Variants in DPP9 observed in about 807,000 individuals in gnomAD.
DPP9 encodes dipeptidyl peptidase 9.
DPP9 carries 50 observed loss-of-function variants against 110.7 expected under a neutral mutation model. That is an observed-to-expected ratio of 0.45 (90% CI 0.36 to 0.57). The LOEUF (loss-of-function observed/expected upper bound fraction) is 0.57. Ranked by LOEUF, DPP9 falls within the 20% of genes least tolerant of loss-of-function variation. DPP9 has a pLI of 0.00. For missense variants in DPP9, 1,022 were observed against 1,217.9 expected, an observed-to-expected ratio of 0.84 and a Z score of 2.39; for synonymous variants, 561 against 514.4, an observed-to-expected ratio of 1.09 and a Z score of -1.23.
At chr19:4,712,260 C>T (rs906481069) in intron 4 of DPP9, among the ~76,000 whole-genome samples, 1 of 152,098 alleles carries the variant, frequency 6.6e-6, no homozygotes, top group Non-Finnish European at 1.5e-5. Flanking sequence ...TCTTAAAGGC[C>T]CAGACAGCCC....
chr19:4,697,490 G>T, intron 11 of DPP9, 61 bp downstream of exon 11: 1 of 1,435,216 alleles, frequency 7.0e-7, no homozygotes, highest in Non-Finnish European at 9.6e-7. Context: ...CAGCTTCGGT[G>T]GCTGCCCAGG....
At chr19:4,721,044 T>C (rs560569779) in intron 2 of DPP9, among the ~76,000 whole-genome samples, 1 of 151,956 alleles carries the variant, frequency 6.6e-6, no homozygotes, top group Non-Finnish European at 1.5e-5. Flanking sequence ...AACCCAGGGG[T>C]CTCACCTGGG....
At chr19:4,703,532 A>C (rs1460817945) in intron 7 of DPP9, among the ~76,000 whole-genome samples, 2 of 151,186 alleles carry the variant, frequency 1.3e-5, no homozygotes, top group African/African-American at 2.4e-5. Context: ...GCTACTCGGG[A>C]GGCTGAGGCA....
intron 21 of DPP9, among the ~76,000 whole-genome samples, chr19:4,678,592 C>T (rs1244742893): frequency 1.3e-5 from 2 of 152,042 alleles, no homozygotes; most frequent in Admixed American, 1.3e-4. Context: ...AGTTCCATTC[C>T]AGCCCTGCCT....
chr19:4,685,540 C>A lies in DPP9; in HGVS notation c.2031+86G>T. 1 of 1,402,798 alleles carries A rather than the reference C, an allele frequency of 7.1e-7. No individual in the cohort carries two copies. 86.9% of individuals were successfully genotyped at this position (1,402,798 alleles called of 1,614,324 possible). ...TAGCCGGGGAGCCTCCTCTGGTTGA[C>A]TGTTCTACAGCTGGCACTTGAGTGG... On this transcript the variant is annotated intron_variant, in intron 17 of 21. Transcript: ENST00000262960. This position sits in a 1 kb window ranked among gnomAD's most constrained non-coding sequence, Gnocchi z 5.8.
At position 4,700,320 on chromosome 19, in the gene DPP9, C is replaced by T. The variant is rs376683008; in HGVS notation, c.1013-43G>A. 7.1e-5 allele frequency: 110 copies of T among 1,547,646 alleles called. No individual in the cohort carries two copies. The African/African-American group carries it at 1.3e-3, about 18-fold the overall frequency. On this transcript the variant is annotated intron_variant, in intron 9 of 21. Coordinates refer to ENST00000262960, the MANE Select transcript of DPP9 (RefSeq NM_139159.5). This position sits in a 1 kb window ranked among gnomAD's most constrained non-coding sequence, Gnocchi z 4.3. ...AGGTGAACACCAGGCAGGCATCACC[C>T]GTGTGTGCCGAGAGCCGGCACGGGG...
In DPP9 at chr19:4,684,243, G is replaced by A. The variant is rs1196286233; in HGVS notation, c.2178+420C>T. The A allele has an allele frequency of 7.5e-6, 2 of 266,492 alleles. No individual in the cohort carries two copies. The highest frequency in any genetic ancestry group is 1.5e-5 in the Non-Finnish European group (2 of 136,034). The allele number at this position is 266,492 out of a possible 1,614,324, so 16.5% of individuals were successfully genotyped here. A position where few individuals can be genotyped will look rare whatever the true frequency, so the allele number is the denominator to read the frequency against. ...AAGCAGCACAGGGCCTCTCTGGAGG[G>A]TTGCTGACCAGGCAACCTCGTGGGA... On this transcript the variant is annotated intron_variant, in intron 18 of 21. Transcript: ENST00000262960. The surrounding 1 kb of genome is among the most constrained non-coding windows in gnomAD (Gnocchi z 4.8).
At position 4,702,612 on chromosome 19, in the gene DPP9, A is replaced by G. The variant is rs1237273570; in HGVS notation, c.874T>C (p.Ser292Pro). Residue 292 changes from serine (S) to proline (P), a missense_variant, in exon 8 of 22, where the codon TCC (serine) becomes CCC (proline). Physicochemically the swap from Ser to Pro is moderately conservative, Grantham distance 74. Coordinates refer to ENST00000262960, the MANE Select transcript of DPP9 (RefSeq NM_139159.5). ...AATGGAAGGGACCTACCTTCCCAGG[A>G]GGCTGTGGGGCACCACCAGTACCCA... is the stretch of plus-strand genomic sequence containing the variant. ...FTGYWWCPTA[S>P]WEGSEGLKTL... is the part of the protein sequence containing the mutation. The G allele has an allele frequency of 7.5e-6, 12 of 1,598,200 alleles. No individual in the cohort carries two copies. The highest frequency in any genetic ancestry group is 1.0e-5 in the Non-Finnish European group (12 of 1,172,638).
chr19:4,714,585 C>T (rs1248528018), intron 3 of DPP9, among the ~76,000 whole-genome samples: 1 of 152,044 alleles, frequency 6.6e-6, no homozygotes, highest in Non-Finnish European at 1.5e-5. Flanking sequence ...AGATGGGGGT[C>T]TCAACTATGT....
chr19:4,716,529 C>T (rs370635188), intron 3 of DPP9, among the ~76,000 whole-genome samples: 3 of 151,558 alleles, frequency 2.0e-5, no homozygotes, highest in Non-Finnish European at 2.9e-5. Context: ...CCCAGCTACT[C>T]GGGAGGCTGA....
At chr19:4,688,941 T>C in intron 15 of DPP9, 49 bp from the exon 16 acceptor site, 2 of 1,491,976 alleles carry the variant, frequency 1.3e-6, no homozygotes, top group Non-Finnish European at 1.8e-6. Flanking sequence ...GCTGCGCCCT[T>C]TCCACTGGGT....
intron 5 of DPP9, 66 bp downstream of exon 5, chr19:4,705,792 C>T: frequency 6.7e-7 from 1 of 1,488,648 alleles, no homozygotes; most frequent in Non-Finnish European, 9.3e-7. Context: ...GCATGTATGG[C>T]CTGTGGGGCT....
At chr19:4,706,889 A>G (rs2092611513) in intron 4 of DPP9, among the ~76,000 whole-genome samples, 1 of 152,140 alleles carries the variant, frequency 6.6e-6, no homozygotes, top group African/African-American at 2.4e-5. Context: ...TCGGGCCTGG[A>G]CCATCCTCCG....
chr19:4,684,682 C>T lies in DPP9; in HGVS notation c.2159G>A (p.Gly720Glu). Residue 720 changes from glycine to glutamate, a missense_variant, in exon 18 of 22, where the codon GGG (glycine) becomes GAG (glutamate). This residue lies in a region of DPP9 where 209 missense variants were observed against 280.4 expected (regional missense o/e 0.75). Transcript: ENST00000262960. The surrounding 1 kb of genome is among the most constrained non-coding windows in gnomAD (Gnocchi z 4.8). ...TGTTACCATTTGGTTTTTCAGGGCC[C>T]CTTCGAACCGAAGCCCTCGCTGACA... ...GSCQRGLRFE[G>E]ALKNQMGQVE... 6.2e-7 allele frequency: 1 copy of T among 1,613,146 alleles called. No individual in the cohort carries two copies. The highest frequency in any genetic ancestry group is 8.5e-7 in the Non-Finnish European group (1 of 1,179,642).
rs780220422 is a variant in DPP9 at position 4,689,669 on chromosome 19, C to T, written c.1650G>A (p.Thr550=). 27 of 1,561,390 alleles carry T rather than the reference C, an allele frequency of 1.7e-5. No individual in the cohort carries two copies. The highest frequency in any genetic ancestry group is 1.7e-4 in the Middle Eastern group (1 of 6,000). Residue 550 remains threonine (T), a synonymous_variant, in exon 15 of 22, where the codon ACG becomes ACA. Coordinates refer to ENST00000262960, the MANE Select transcript of DPP9 (RefSeq NM_139159.5). The surrounding 1 kb of genome is among the most constrained non-coding windows in gnomAD (Gnocchi z 7.0). ...CCACGTAGAGGTGGTGCTCCAGCGG[C>T]GTGTCCTTGGTGCCCTGGAAGTACA... ...KLVYFQGTKD[T]PLEHHLYVVS...
intron 20 of DPP9, among the ~76,000 whole-genome samples, chr19:4,681,054 G>A (rs1362632639): frequency 6.6e-6 from 1 of 152,164 alleles, no homozygotes; most frequent in Non-Finnish European, 1.5e-5. Context: ...CACCAGAATC[G>A]GCTGCCCTAG....
At chr19:4,686,630 T>C (rs757455314) in intron 16 of DPP9, among the ~76,000 whole-genome samples, 14 of 152,172 alleles carry the variant, frequency 9.2e-5, no homozygotes, top group Non-Finnish European at 1.3e-4. Context: ...ATCGAACTCC[T>C]GACCTTGGGT....
chr19:4,713,582 G>A (rs2092934287), intron 4 of DPP9, among the ~76,000 whole-genome samples: 1 of 152,230 alleles, frequency 6.6e-6, no homozygotes, highest in South Asian at 2.1e-4. Context: ...ACCAGGTTCT[G>A]CCATCCGGGC....
intron 16 of DPP9, among the ~76,000 whole-genome samples, chr19:4,686,105 G>GT (rs553250627): frequency 7.3e-5 from 11 of 149,878 alleles, no homozygotes; most frequent in South Asian, 4.2e-4. Flanking sequence ...GGGTTTTTCT[G>GT]TTTTTTTTCT....
Sources: gnomAD v4.1 joint callset for allele counts (sites outside exome capture counted in the v4.1 genomes callset) on GRCh38, gnomAD v4.1.1 for gene constraint, gnomAD v4.1.1 regional missense constraint, Gnocchi (gnomAD v3.1) non-coding constraint, MANE v1.5 for transcripts, NCBI Gene and HGNC (gene_info 2026-07-23, HGNC 2026-07-21) for gene names.